The following GRM7 variants were observed in gnomAD, a reference collection of about 807,000 sequenced individuals.
The protein encoded by GRM7 is glutamate metabotropic receptor 7, also known as metabotropic glutamate receptor 7.
A neutral mutation model predicts 84.5 loss-of-function variants in GRM7; 35 were observed. The observed-to-expected ratio is 0.41, with a 90% confidence interval of 0.32 to 0.55. The LOEUF is 0.55. Among genes scored for constraint, GRM7 ranks in the 20% least tolerant of loss-of-function variants. GRM7 has a pLI of 0.19. For synonymous variants in GRM7, 487 were observed against 455.1 expected (o/e 1.07, Z -0.89); for missense variants, 1,003 against 1,194.6 (o/e 0.84, Z 2.36).
At chr3:6,975,359 C>A (rs1693949210) in intron 1 of GRM7, among the ~76,000 whole-genome samples, 1 of 152,146 alleles carries the variant, frequency 6.6e-6, no homozygotes, top group Non-Finnish European at 1.5e-5. Flanking sequence ...ATGGCTCTGT[C>A]TAATAAGAAA....
intron 9 of GRM7, 84 bp from the exon 10 acceptor site, chr3:7,740,273 C>T (rs913071585): frequency 5.7e-6 from 5 of 877,016 alleles, no homozygotes; most frequent in East Asian, 2.6e-5. Flanking sequence ...TGACTTTGCA[C>T]CTCAAGTGAA....
intron 4 of GRM7, among the ~76,000 whole-genome samples, chr3:7,332,770 G>A (rs1121956): frequency 0.21 from 32,000 of 152,062 alleles, 3,512 homozygotes; most frequent in East Asian, 0.35. Flanking sequence ...ACTGCTGCAA[G>A]CTCTGTGAGA....
At chr3:6,958,622 A>G (rs1263286080) in intron 1 of GRM7, among the ~76,000 whole-genome samples, 2 of 152,234 alleles carry the variant, frequency 1.3e-5, no homozygotes, top group South Asian at 2.1e-4. Context: ...GGTGGTCTAG[A>G]CCTTACATAA....
chr3:7,237,610 G>A (rs1172376803), intron 2 of GRM7, among the ~76,000 whole-genome samples: 1 of 152,148 alleles, frequency 6.6e-6, no homozygotes, highest in Non-Finnish European at 1.5e-5. Flanking sequence ...CTGGCTTCAG[G>A]AGTGAAGCCG....
intron 8 of GRM7, among the ~76,000 whole-genome samples, chr3:7,610,215 C>T (rs1296271957): frequency 6.6e-6 from 1 of 152,108 alleles, no homozygotes; most frequent in African/African-American, 2.4e-5. Flanking sequence ...CTTAGCGGTC[C>T]AGTTATCTCT....
At chr3:7,380,551 A>T (rs1694547962) in intron 4 of GRM7, among the ~76,000 whole-genome samples, 1 of 152,206 alleles carries the variant, frequency 6.6e-6, no homozygotes. Flanking sequence ...AGCACATATT[A>T]GCAGTCTAAA....
At chr3:7,569,690 C>T (rs1694541764) in intron 7 of GRM7, among the ~76,000 whole-genome samples, 1 of 152,118 alleles carries the variant, frequency 6.6e-6, no homozygotes, top group East Asian at 1.9e-4. Flanking sequence ...AGGTCTACAG[C>T]TTCACTCCTG....
At chr3:7,253,199 G>A (rs558501261) in intron 2 of GRM7, among the ~76,000 whole-genome samples, 7 of 151,724 alleles carry the variant, frequency 4.6e-5, no homozygotes, top group Non-Finnish European at 1.0e-4. Flanking sequence ...TCAACCCTTC[G>A]TCAACTTACA....
chr3:6,867,734 G>A (rs1158094430), intron 1 of GRM7, among the ~76,000 whole-genome samples: 2 of 152,060 alleles, frequency 1.3e-5, no homozygotes, highest in East Asian at 3.9e-4. Context: ...CATATAGTCT[G>A]ACTGGTTAAT....
chr3:7,158,827 T>G (rs1442631947), intron 2 of GRM7, among the ~76,000 whole-genome samples: 1 of 152,218 alleles, frequency 6.6e-6, no homozygotes. Context: ...GCCTACGCTG[T>G]GTTATATTAG....
intron 8 of GRM7, among the ~76,000 whole-genome samples, chr3:7,676,392 C>A (rs1443417828): frequency 6.6e-6 from 1 of 152,092 alleles, no homozygotes; most frequent in Non-Finnish European, 1.5e-5. Flanking sequence ...TAGTCATGTG[C>A]CACATAATGA....
chr3:7,622,431 A>G (rs918378606), intron 8 of GRM7, among the ~76,000 whole-genome samples: 2 of 152,122 alleles, frequency 1.3e-5, no homozygotes, highest in Admixed American at 1.3e-4. Context: ...GAAGGCTACA[A>G]TGATGAGTGA....
chr3:7,165,813 A>T (rs1222515755), intron 2 of GRM7, among the ~76,000 whole-genome samples: 2 of 152,206 alleles, frequency 1.3e-5, no homozygotes, highest in African/African-American at 4.8e-5. Context: ...TCTGGGTTTC[A>T]TCATTTGCAT....
At chr3:6,972,792 C>T (rs533522930) in intron 1 of GRM7, among the ~76,000 whole-genome samples, 2 of 152,202 alleles carry the variant, frequency 1.3e-5, no homozygotes, top group South Asian at 4.2e-4. Context: ...TATGGGCCCC[C>T]AAAATAGCTT....
intron 1 of GRM7, among the ~76,000 whole-genome samples, chr3:6,944,056 T>C (rs1697977707): frequency 6.6e-6 from 1 of 152,158 alleles, no homozygotes; most frequent in Admixed American, 6.5e-5. Context: ...AAACTCATTT[T>C]TTAGTTTTAT....
intron 5 of GRM7, among the ~76,000 whole-genome samples, chr3:7,449,782 A>G (rs1416436379): frequency 1.3e-5 from 2 of 152,148 alleles, no homozygotes; most frequent in Non-Finnish European, 2.9e-5. Flanking sequence ...ATTTTGATTC[A>G]TTTCTCACAT....
chr3:7,663,939 C>G (rs1699570658), intron 8 of GRM7, among the ~76,000 whole-genome samples: 1 of 152,316 alleles, frequency 6.6e-6, no homozygotes, highest in South Asian at 2.1e-4. Context: ...TAACACTGCG[C>G]CTTAATGCAA....
At chr3:7,525,789 T>G (rs952262033) in intron 7 of GRM7, among the ~76,000 whole-genome samples, 5 of 152,166 alleles carry the variant, frequency 3.3e-5, no homozygotes, top group African/African-American at 7.2e-5. Flanking sequence ...CTCTCACTTA[T>G]AAGTGAGAAC....
intron 2 of GRM7, among the ~76,000 whole-genome samples, chr3:7,224,643 T>C (rs1355624856): frequency 6.6e-6 from 1 of 152,218 alleles, no homozygotes; most frequent in African/African-American, 2.4e-5. Flanking sequence ...TTCTTTCAAA[T>C]TAATCCTCCA....
Sources: gnomAD v4.1 joint callset for allele counts (sites outside exome capture counted in the v4.1 genomes callset) on GRCh38, gnomAD v4.1.1 for gene constraint, MANE v1.5 for transcripts, NCBI Gene and HGNC (gene_info 2026-07-23, HGNC 2026-07-21) for gene names.